Variants in FAM117A observed in about 807,000 individuals in gnomAD.
The protein encoded by FAM117A is protein FAM117A.
A neutral mutation model predicts 44.1 loss-of-function variants in FAM117A; 21 were observed. The observed-to-expected ratio is 0.48, with a 90% confidence interval of 0.34 to 0.69. FAM117A has a LOEUF of 0.69. Among genes scored for constraint, FAM117A ranks in the 30% least tolerant of loss-of-function variants. The probability of loss-of-function intolerance (pLI) is 0.01; values close to 1 mark genes in which losing one functional copy is unlikely to be tolerated. For synonymous variants in FAM117A, 220 were observed against 238.3 expected (o/e 0.92, Z 0.71); for missense variants, 498 against 589.9 (o/e 0.84, Z 1.61).
chr17:49,741,439 T>A (rs1230876435), intron 1 of FAM117A, among the ~76,000 whole-genome samples: 5 of 152,196 alleles, frequency 3.3e-5, no homozygotes, highest in Non-Finnish European at 5.9e-5. Context: ...TGCTCACCAA[T>A]CCTGATCTCT....
chr17:49,779,873 G>A (rs1195400547), intron 1 of FAM117A, among the ~76,000 whole-genome samples: 4 of 152,232 alleles, frequency 2.6e-5, no homozygotes, highest in Admixed American at 1.3e-4. Flanking sequence ...GTGGTTTGGT[G>A]TAGTGACATC....
At chr17:49,776,682 T>C (rs1368328295) in intron 1 of FAM117A, among the ~76,000 whole-genome samples, 3 of 151,754 alleles carry the variant, frequency 2.0e-5, no homozygotes, top group Non-Finnish European at 4.4e-5. Context: ...AGCTGGGGGG[T>C]TTCCATGAAG....
chr17:49,711,873 G>T (rs963373430), intron 7 of FAM117A, among the ~76,000 whole-genome samples: 1 of 152,222 alleles, frequency 6.6e-6, no homozygotes, highest in African/African-American at 2.4e-5. Context: ...GGCCGGGCAC[G>T]GTGGCTCACG....
intron 1 of FAM117A, among the ~76,000 whole-genome samples, chr17:49,777,592 T>A (rs1396299607): frequency 6.6e-6 from 1 of 152,074 alleles, no homozygotes; most frequent in Non-Finnish European, 1.5e-5. Flanking sequence ...TTTTTTTTTT[T>A]AATGTTCAAG....
At chr17:49,745,205 C>T (rs562499821) in intron 1 of FAM117A, among the ~76,000 whole-genome samples, 1 of 152,204 alleles carries the variant, frequency 6.6e-6, no homozygotes, top group South Asian at 2.1e-4. Context: ...AATTTGATGG[C>T]CCCATTTTGT....
chr17:49,734,947 C>CTAGAATAGAATTG (rs1354646150), intron 1 of FAM117A, among the ~76,000 whole-genome samples: 8 of 152,010 alleles, frequency 5.3e-5, no homozygotes, highest in African/African-American at 1.9e-4. Flanking sequence ...CTTGAGGTAT[C>CTAGAATAGAATTG]TAGAATAGGC....
intron 2 of FAM117A, among the ~76,000 whole-genome samples, chr17:49,730,782 C>G (rs1598024197): frequency 6.6e-6 from 1 of 152,176 alleles, no homozygotes; most frequent in African/African-American, 2.4e-5. Context: ...GGAAGGAAGC[C>G]TACTCTCTCT....
At chr17:49,755,558 T>G (rs2073695429) in intron 1 of FAM117A, among the ~76,000 whole-genome samples, 5 of 152,208 alleles carry the variant, frequency 3.3e-5, no homozygotes, top group Admixed American at 3.3e-4. Flanking sequence ...ACCTGGTAAC[T>G]GCCCAAGCTC....
upstream of FAM117A, among the ~76,000 whole-genome samples, chr17:49,768,656 A>G (rs895796537): frequency 1.3e-5 from 2 of 152,158 alleles, no homozygotes; most frequent in African/African-American, 4.8e-5. Context: ...GAACTGAAGG[A>G]GCAAAGCAGC....
chr17:49,735,522 T>G (rs999921864), intron 1 of FAM117A, among the ~76,000 whole-genome samples: 4 of 152,246 alleles, frequency 2.6e-5, no homozygotes, highest in African/African-American at 9.6e-5. Flanking sequence ...CTATTTCATA[T>G]ACCTTTTCCC....
chr17:49,771,599 C>T (rs1450782118), intron 1 of FAM117A, among the ~76,000 whole-genome samples: 7 of 152,124 alleles, frequency 4.6e-5, no homozygotes, highest in African/African-American at 1.7e-4. Context: ...GCAGATGGTG[C>T]TTCATGAAAA....
At chr17:49,717,473 C>A (rs1026340161) in intron 6 of FAM117A, 40 bp downstream of exon 6, 2 of 1,595,180 alleles carry the variant, frequency 1.3e-6, no homozygotes, top group East Asian at 2.2e-5. Context: ...CACTCATGTG[C>A]CCCAGAGTCA....
intron 2 of FAM117A, among the ~76,000 whole-genome samples, chr17:49,724,836 AAAAG>A (rs1317145426): frequency 1.5e-4 from 22 of 151,388 alleles, no homozygotes; most frequent in South Asian, 2.1e-4. Flanking sequence ...AAAAAAAAAA[AAAAG>A]AAAGAAAGAA....
intron 1 of FAM117A, among the ~76,000 whole-genome samples, chr17:49,753,724 C>T (rs2073686263): frequency 6.6e-6 from 1 of 152,152 alleles, no homozygotes. Context: ...GTGGAGGTTG[C>T]AGTCAGCAGA....
chr17:49,750,130 C>G (rs1320105952), intron 1 of FAM117A, among the ~76,000 whole-genome samples: 1 of 148,936 alleles, frequency 6.7e-6, no homozygotes, highest in Non-Finnish European at 1.5e-5. Flanking sequence ...AAGAACAGTA[C>G]ATAGAACACT....
At chr17:49,749,877 G>A (rs1029582026) in intron 1 of FAM117A, among the ~76,000 whole-genome samples, 2 of 148,282 alleles carry the variant, frequency 1.3e-5, no homozygotes, top group East Asian at 1.9e-4. Context: ...CTACTATAAC[G>A]GTCAATACCT....
chr17:49,776,520 G>A (rs1171682720), intron 1 of FAM117A, among the ~76,000 whole-genome samples: 1 of 152,174 alleles, frequency 6.6e-6, no homozygotes. Flanking sequence ...GCGTCTAGAG[G>A]TTTCTAGCTG....
upstream of FAM117A, among the ~76,000 whole-genome samples, chr17:49,766,625 A>C (rs914785009): frequency 6.6e-6 from 1 of 152,236 alleles, no homozygotes; most frequent in Non-Finnish European, 1.5e-5. Flanking sequence ...GACAACTTAT[A>C]CTGTGTTAGG....
chr17:49,711,455 TC>T lies in FAM117A; in HGVS notation c.1161del (p.Met387IlefsTer65), dbSNP rs1421779151. 1.4e-5 allele frequency: 22 copies of T among 1,614,026 alleles called. No individual in the cohort carries two copies. The highest frequency in any genetic ancestry group is 1.9e-5 in the Non-Finnish European group (22 of 1,180,008). On this transcript the variant is annotated frameshift_variant, in exon 8 of 8. Transcript: ENST00000240364. LOFTEE classifies it high-confidence loss of function. ...TGSAFCPVNL[M>X]KPLFPGMGFI... Reference sequence around the variant, plus strand: ...AAGCCCATGCCGGGGAAGAGGGGCTTCATCAGGTTGACGGGGCAGAAGGCTG... The same window carrying T: ...AAGCCCATGCCGGGGAAGAGGGGCTTATCAGGTTGACGGGGCAGAAGGCTG...
Sources: gnomAD v4.1 joint callset for allele counts (sites outside exome capture counted in the v4.1 genomes callset) on GRCh38, gnomAD v4.1.1 for gene constraint, MANE v1.5 for transcripts, NCBI Gene and HGNC (gene_info 2026-07-23, HGNC 2026-07-21) for gene names.